The following PHF21B variants were observed in gnomAD, a reference collection of about 807,000 sequenced individuals.
PHF21B encodes PHD finger protein 21B, also known as PHD finger protein 4.
A neutral mutation model predicts 62.2 loss-of-function variants in PHF21B; 22 were observed. That is an observed-to-expected ratio of 0.35 (90% CI 0.25 to 0.51). PHF21B has a LOEUF of 0.51. Among genes scored for constraint, PHF21B ranks in the 20% least tolerant of loss-of-function variants. The probability of loss-of-function intolerance (pLI) is 0.97; values close to 1 mark genes in which losing one functional copy is unlikely to be tolerated. For synonymous variants in PHF21B, 341 were observed against 314.7 expected (o/e 1.08, Z -0.88); for missense variants, 701 against 707.9 (o/e 0.99, Z 0.11).
intron 2 of PHF21B, among the ~76,000 whole-genome samples, chr22:44,997,436 C>T (rs926389305): frequency 2.0e-5 from 3 of 152,082 alleles, no homozygotes; most frequent in African/African-American, 7.2e-5. Flanking sequence ...TGGACGTGGG[C>T]AATGTGGACA....
intron 4 of PHF21B, among the ~76,000 whole-genome samples, chr22:44,914,992 G>C (rs2071408943): frequency 6.6e-6 from 1 of 152,212 alleles, no homozygotes; most frequent in South Asian, 2.1e-4. Flanking sequence ...GTTTAAACTA[G>C]GAATTACTTG....
intron 2 of PHF21B, among the ~76,000 whole-genome samples, chr22:44,929,526 A>G (rs1350389498): frequency 6.6e-6 from 1 of 152,202 alleles, no homozygotes; most frequent in East Asian, 1.9e-4. Context: ...TGCCCGGTGC[A>G]CCTGCAACAA....
intron 2 of PHF21B, among the ~76,000 whole-genome samples, chr22:44,984,476 T>C (rs2072912531): frequency 6.6e-6 from 1 of 152,148 alleles, no homozygotes; most frequent in Non-Finnish European, 1.5e-5. Context: ...AGTGGTGGAT[T>C]CCCCAGGTAT....
rs150773791 is a variant in PHF21B at position 44,917,457 on chromosome 22, A to C, written c.214-827T>G. Among the ~76,000 whole-genome samples, 14 of 152,286 alleles carry C rather than the reference A, an allele frequency of 9.2e-5. No homozygotes were observed. In the East Asian group the frequency reaches 2.1e-3, roughly 23 times the overall value. ...CACCACTGACCCCATGCATGGAACC[A>C]GGAGCGCCACATGCCCCAGATGAGG... On this transcript the variant is annotated intron_variant, in intron 3 of 12. Transcript: ENST00000313237.
chr22:44,993,758 T>G (rs377156426), intron 2 of PHF21B, among the ~76,000 whole-genome samples: 1 of 152,196 alleles, frequency 6.6e-6, no homozygotes, highest in East Asian at 1.9e-4. Flanking sequence ...TGCACATCCC[T>G]ATTTAGGTCG....
At chr22:44,959,363 G>A (rs2072371419) in intron 2 of PHF21B, among the ~76,000 whole-genome samples, 1 of 152,172 alleles carries the variant, frequency 6.6e-6, no homozygotes, top group African/African-American at 2.4e-5. Context: ...GGGCCTCTTT[G>A]TGCCTTGCTC....
At chr22:44,972,318 AATGTATCATGAGTGACGG>A (rs2072654073) in intron 2 of PHF21B, among the ~76,000 whole-genome samples, 1 of 152,208 alleles carries the variant, frequency 6.6e-6, no homozygotes, top group African/African-American at 2.4e-5. Context: ...ACTTTGGTAA[AATGTATCATGAGTGACGG>A]ATTTGGGCAT....
At chr22:45,008,704 A>G in intron 1 of PHF21B, 94 bp from the exon 2 acceptor site, 1 of 1,038,824 alleles carries the variant, frequency 9.6e-7, no homozygotes, top group Non-Finnish European at 1.2e-6. Flanking sequence ...CCGGAGCCCC[A>G]CGGGCGGGGC....
intron 2 of PHF21B, among the ~76,000 whole-genome samples, chr22:44,990,533 G>A (rs956415925): frequency 6.6e-6 from 1 of 152,228 alleles, no homozygotes; most frequent in Non-Finnish European, 1.5e-5. Flanking sequence ...ATTACGCTGA[G>A]TAAGAGTATA....
intron 3 of PHF21B, among the ~76,000 whole-genome samples, chr22:44,917,835 G>A (rs1035353874): frequency 7.9e-5 from 12 of 152,182 alleles, no homozygotes; most frequent in South Asian, 2.1e-4. Context: ...AAGGCACAGC[G>A]TGCTCTTCAG....
intron 2 of PHF21B, among the ~76,000 whole-genome samples, chr22:44,957,515 A>G (rs1165849398): frequency 1.3e-5 from 2 of 152,122 alleles, no homozygotes; most frequent in Non-Finnish European, 2.9e-5. Context: ...TATTTAAATA[A>G]CGTATGCACA....
chr22:44,965,010 A>G (rs111366894), intron 2 of PHF21B, among the ~76,000 whole-genome samples: 4 of 152,288 alleles, frequency 2.6e-5, no homozygotes, highest in African/African-American at 9.6e-5. Flanking sequence ...GGGCAGGGGC[A>G]TCTCAGGGGC....
At chr22:44,935,899 G>C (rs1362408011) in intron 2 of PHF21B, among the ~76,000 whole-genome samples, 1 of 152,122 alleles carries the variant, frequency 6.6e-6, no homozygotes, top group Non-Finnish European at 1.5e-5. Context: ...CTCCAACCTC[G>C]CACGAACCCA....
intron 2 of PHF21B, among the ~76,000 whole-genome samples, chr22:44,995,226 C>CATTAA (rs1438156951): frequency 6.6e-6 from 1 of 152,190 alleles, no homozygotes; most frequent in Non-Finnish European, 1.5e-5. Flanking sequence ...CACAGAAGTT[C>CATTAA]ATTAAAGGAC....
chr22:44,946,314 A>C (rs939856339), intron 2 of PHF21B, among the ~76,000 whole-genome samples: 1 of 150,318 alleles, frequency 6.7e-6, no homozygotes, highest in African/African-American at 2.5e-5. Context: ...CAGATACCCC[A>C]ATTCTGCCCT....
chr22:44,901,614 G>C, intron 5 of PHF21B: 1 of 377,988 alleles, frequency 2.6e-6, no homozygotes, highest in Non-Finnish European at 4.6e-6. Context: ...TGGATACTGA[G>C]GAGAAGAAAC....
At chr22:44,967,573 G>A (rs1203610589) in intron 2 of PHF21B, among the ~76,000 whole-genome samples, 1 of 152,060 alleles carries the variant, frequency 6.6e-6, no homozygotes, top group African/African-American at 2.4e-5. Context: ...TTTTGATTAC[G>A]GAAAAGTTAT....
At chr22:44,929,268 C>T (rs1237603077) in intron 2 of PHF21B, among the ~76,000 whole-genome samples, 3 of 152,246 alleles carry the variant, frequency 2.0e-5, no homozygotes, top group Non-Finnish European at 2.9e-5. Context: ...TTATCACTGT[C>T]AGGAACGAAC....
chr22:44,891,492 C>G (rs2070964214), intron 7 of PHF21B, 132 bp from the exon 8 acceptor site: 2 of 1,043,148 alleles, frequency 1.9e-6, no homozygotes, highest in Non-Finnish European at 2.9e-6. Context: ...CTGGACACCC[C>G]CTGCCAGGGG....
Sources: gnomAD v4.1 joint callset for allele counts (sites outside exome capture counted in the v4.1 genomes callset) on GRCh38, gnomAD v4.1.1 for gene constraint, MANE v1.5 for transcripts, NCBI Gene and HGNC (gene_info 2026-07-23, HGNC 2026-07-21) for gene names.